MAP4: variants seen among roughly 807,000 people sequenced by gnomAD.
MAP4 encodes microtubule-associated protein 4.
A neutral mutation model predicts 170.2 loss-of-function variants in MAP4; 76 were observed. The ratio of observed to expected loss-of-function variants is 0.45; its 90% CI spans 0.37 to 0.54. MAP4 has a LOEUF of 0.54. MAP4 is among the 20% of genes least tolerant of loss of function. The pLI, the probability that MAP4 is intolerant of heterozygous loss-of-function variation, is 0.00. For synonymous variants in MAP4, 909 were observed against 994.5 expected (o/e 0.91, Z 1.62); for missense variants, 2,506 against 2,748.0 (o/e 0.91, Z 1.97).
chr3:47,886,122 CAGCA>C (rs1231229986), intron 10 of MAP4, among the ~76,000 whole-genome samples: 1 of 152,198 alleles, frequency 6.6e-6, no homozygotes, highest in East Asian at 1.9e-4. Flanking sequence ...TCAATAAGTT[CAGCA>C]TTTTTCAGTA....
intron 10 of MAP4, among the ~76,000 whole-genome samples, chr3:47,902,463 C>T (rs1205555129): frequency 6.6e-6 from 1 of 151,938 alleles, no homozygotes; most frequent in African/African-American, 2.4e-5. Context: ...ATCACGAGGT[C>T]AGGAGTTCAA....
chr3:47,859,605 C>T (rs772881305), intron 17 of MAP4, among the ~76,000 whole-genome samples: 2 of 152,218 alleles, frequency 1.3e-5, no homozygotes, highest in African/African-American at 4.8e-5. Context: ...CCTCACATAG[C>T]TCTCGCTTCA....
At position 47,910,227 on chromosome 3, in the gene MAP4, C is replaced by A. The variant is rs1416188089; in HGVS notation, c.4194G>T (p.Gly1398=). Residue 1398 remains glycine, a synonymous_variant, in exon 9 of 21, where the codon GGG becomes GGT. Transcript: ENST00000683076. ...AGGCCATTCCTTCAATTCCCTGGTC[C>A]CCTGTGGTTTCCATGGGAACATGTA... is the stretch of plus-strand genomic sequence containing the variant. The part of the protein sequence containing the change: ...TKIHVPMETT[G]DQGIEGMAYM... The A allele has an allele frequency of 1.2e-6, 2 of 1,611,366 alleles. No homozygotes were observed. Among genetic ancestry groups the A allele is most frequent in the African/African-American group, 2.7e-5 (2 of 74,880 alleles).
chr3:47,892,604 T>C, intron 10 of MAP4: 1 of 1,424,148 alleles, frequency 7.0e-7, no homozygotes. Flanking sequence ...ATGACAAAAT[T>C]CATCTCTCCC....
In MAP4 at chr3:47,977,878, C is replaced by T; in HGVS notation, c.279G>A (p.Gly93=). 6.2e-7 allele frequency: 1 copy of T among 1,611,626 alleles called. No homozygotes were observed. The highest frequency in any genetic ancestry group is 8.5e-7 in the Non-Finnish European group (1 of 1,177,980). ...GGAATCACTTACCTGTAGTATCGCT[C>T]CCTTCTACTCCATGACCACCATTGG... is the stretch of plus-strand genomic sequence containing the variant. ...LLANGGHGVE[G]SDTTGSPTEF... is the part of the protein sequence containing the mutation. Residue 93 remains glycine, a synonymous_variant, in exon 3 of 21, where the codon GGG becomes GGA. Coordinates refer to ENST00000683076, the MANE Select transcript of MAP4 (RefSeq NM_001385682.1).
At chr3:47,993,154 T>C (rs1478463812) in intron 2 of MAP4, among the ~76,000 whole-genome samples, 1 of 152,126 alleles carries the variant, frequency 6.6e-6, no homozygotes, top group Non-Finnish European at 1.5e-5. Context: ...AGTTTACACA[T>C]GAATAACTTG....
At chr3:47,863,259 A>T (rs544880368) in intron 17 of MAP4, among the ~76,000 whole-genome samples, 1 of 152,240 alleles carries the variant, frequency 6.6e-6, no homozygotes, top group Admixed American at 6.5e-5. Context: ...TACAGGCATG[A>T]GCCGCTGTGC....
intron 3 of MAP4, among the ~76,000 whole-genome samples, chr3:47,943,850 A>G (rs1366207182): frequency 1.3e-5 from 2 of 151,982 alleles, no homozygotes; most frequent in African/African-American, 4.8e-5. Context: ...GCCACAGGTG[A>G]AGGATGCTAC....
intron 2 of MAP4, among the ~76,000 whole-genome samples, 167 bp downstream of exon 2, chr3:47,998,471 C>A (rs2100097239): frequency 6.6e-6 from 1 of 152,172 alleles, no homozygotes; most frequent in Non-Finnish European, 1.5e-5. Flanking sequence ...TGAACGCTCA[C>A]TCAAAGGGTG....
At chr3:48,026,126 A>G (rs1223601524) in intron 1 of MAP4, among the ~76,000 whole-genome samples, 2 of 152,166 alleles carry the variant, frequency 1.3e-5, no homozygotes, top group Non-Finnish European at 1.5e-5. Context: ...AAGGATCAAA[A>G]TTAGTGACTA....
At chr3:47,914,724 A>T in intron 8 of MAP4, 93 bp downstream of exon 8, 1 of 1,436,720 alleles carries the variant, frequency 7.0e-7, no homozygotes, top group East Asian at 2.3e-5. Flanking sequence ...GCTGATTACC[A>T]CCATACAACA....
At position 47,916,156 on chromosome 3, in the gene MAP4, G is replaced by A; in HGVS notation, c.1671C>T (p.Pro557=). The A allele has an allele frequency of 1.2e-6, 2 of 1,614,176 alleles. No homozygotes were observed. The highest frequency in any genetic ancestry group is 1.3e-5 in the African/African-American group (1 of 75,048). The change falls in exon 7 of 21, where the codon CCC becomes CCT. Residue 557 remains proline, a synonymous_variant. Coordinates refer to ENST00000683076, the MANE Select transcript of MAP4 (RefSeq NM_001385682.1). Reference sequence around the variant, plus strand: ...GGGTCAGAACCCCATCCTTAGCCAGGGGTGCTTCTGTTTTGAGGGCTGGGA... The same window carrying A: ...GGGTCAGAACCCCATCCTTAGCCAGAGGTGCTTCTGTTTTGAGGGCTGGGA... ...DQVPALKTEA[P]LAKDGVLTLA...
At chr3:47,859,178 G>C (rs1469958014) in intron 17 of MAP4, among the ~76,000 whole-genome samples, 2 of 152,078 alleles carry the variant, frequency 1.3e-5, no homozygotes, top group African/African-American at 4.8e-5. Context: ...CATGCCCTCT[G>C]GGTTGCTGGA....
chr3:48,083,873 C>T (rs999847003), intron 1 of MAP4, among the ~76,000 whole-genome samples: 4 of 150,982 alleles, frequency 2.6e-5, no homozygotes, highest in Admixed American at 6.6e-5. Context: ...ATTACAGGCG[C>T]TTGCCACCAT....
intron 1 of MAP4, among the ~76,000 whole-genome samples, chr3:48,033,327 CCCT>C (rs2100117124): frequency 6.6e-6 from 1 of 152,112 alleles, no homozygotes; most frequent in Non-Finnish European, 1.5e-5. Flanking sequence ...AAATGGCATG[CCCT>C]CCTCATGTGG....
At chr3:47,986,642 C>T (rs1000087179) in intron 2 of MAP4, among the ~76,000 whole-genome samples, 18 of 152,010 alleles carry the variant, frequency 1.2e-4, no homozygotes, top group African/African-American at 4.3e-4. Flanking sequence ...GTCCCGGTCC[C>T]CTGCTCTTCT....
intron 1 of MAP4, among the ~76,000 whole-genome samples, chr3:48,054,008 T>A (rs2100129272): frequency 6.6e-6 from 1 of 152,182 alleles, no homozygotes; most frequent in South Asian, 2.1e-4. Context: ...AAATGTCATT[T>A]TAAAAACATA....
intron 15 of MAP4, 21 bp from the exon 16 acceptor site, chr3:47,869,348 G>A (rs1176691437): frequency 6.6e-7 from 1 of 1,518,670 alleles, no homozygotes; most frequent in Admixed American, 1.7e-5. Flanking sequence ...ATAAAGGGAG[G>A]GCAAATTTCA....
chr3:48,014,483 C>A (rs922705577), intron 1 of MAP4, among the ~76,000 whole-genome samples: 1 of 152,114 alleles, frequency 6.6e-6, no homozygotes, highest in Non-Finnish European at 1.5e-5. Flanking sequence ...AATGGCAAAA[C>A]CCCATCTCTA....
Sources: gnomAD v4.1 joint callset for allele counts (sites outside exome capture counted in the v4.1 genomes callset) on GRCh38, gnomAD v4.1.1 for gene constraint, MANE v1.5 for transcripts, NCBI Gene and HGNC (gene_info 2026-07-23, HGNC 2026-07-21) for gene names.